The following TNFRSF13C variants were observed in gnomAD, a reference collection of about 807,000 sequenced individuals.
TNFRSF13C encodes tumor necrosis factor receptor superfamily member 13C.
A neutral mutation model predicts 12.1 loss-of-function variants in TNFRSF13C; 7 were observed. The ratio of observed to expected loss-of-function variants is 0.58; its 90% confidence interval spans 0.33 to 1.08. TNFRSF13C has a LOEUF of 1.08. Among genes scored for constraint, TNFRSF13C ranks in the 50% least tolerant of loss-of-function variants. The probability of loss-of-function intolerance (pLI) is 0.04; values close to 1 mark genes in which losing one functional copy is unlikely to be tolerated. For synonymous variants in TNFRSF13C, 157 were observed against 130.8 expected (o/e 1.20, Z -1.37); for missense variants, 260 against 265.9 (o/e 0.98, Z 0.15).
At position 41,926,153 on chromosome 22, in the gene TNFRSF13C, C is replaced by T. The variant is rs773182312; in HGVS notation, c.315G>A (p.Gln105=). 1 of 1,611,890 alleles carries T rather than the reference C, an allele frequency of 6.2e-7. No individual in the cohort carries two copies. The highest frequency in any genetic ancestry group is 1.1e-5 in the South Asian group (1 of 91,054). Residue 105 remains glutamine (Q), a synonymous_variant, in exon 2 of 3, where the codon CAG becomes CAA. Coordinates refer to ENST00000291232, the MANE Select transcript of TNFRSF13C (RefSeq NM_052945.4). This position sits in a 1 kb window ranked among gnomAD's most constrained non-coding sequence, Gnocchi z 4.9. ...CGGAGGACGCGCCGCGAAGCCGCCG[C>T]TGTCGCCGCCTCCAGCTCACCAGAC... ...LVGLVSWRRR[Q]RRLRGASSAE...
chr22:41,925,530 A>C lies in TNFRSF13C; in HGVS notation c.392T>G (p.Ile131Ser), dbSNP rs1013387691. The part of the protein sequence containing the change: ...KDAPEPLDKV[I>S]ILSPGISDAT... ...ATCAGAGATTCCCGGAGACAGAATG[A>C]TGACCTTGTCCAGGGGCTCTGGGGC... The change falls in exon 3 of 3, where the codon ATC (isoleucine) becomes AGC (serine). Residue 131 changes from isoleucine to serine, a missense_variant. Transcript: ENST00000291232. The C allele has an allele frequency of 6.2e-7, 1 of 1,613,292 alleles. No homozygotes were observed. Among genetic ancestry groups the C allele is most frequent in the South Asian group, 1.1e-5 (1 of 91,078 alleles).
Position 41,926,744 on chromosome 22 carries a change from GC to G in TNFRSF13C, c.29del (p.Gly10AlafsTer90). 7.2e-7 allele frequency: 1 copy of G among 1,385,754 alleles called. No individual in the cohort carries two copies. The highest frequency in any genetic ancestry group is 9.3e-7 in the Non-Finnish European group (1 of 1,073,042). The allele number at this position is 1,385,754 out of a possible 1,614,324, so 85.8% of individuals were successfully genotyped here. ...AGGGCGTGGGGGCTGGCGCGTCCCT[GC>G]CCCGCAGGCTCCGGGGCCCTCGCCT... MRRGPRSLR[G>X]RDAPAPTPCV... On this transcript the variant is annotated frameshift_variant, in exon 1 of 3. Coordinates refer to ENST00000291232, the MANE Select transcript of TNFRSF13C (RefSeq NM_052945.4). LOFTEE classifies it high-confidence loss of function. The surrounding 1 kb of genome is among the most constrained non-coding windows in gnomAD (Gnocchi z 4.9).
Position 41,926,415 on chromosome 22 carries a change from G to C in TNFRSF13C, c.137-84C>G. ...ACGGGGAGGGGCGGAGGGGGGCGAG[G>C]CTGGCCGGGGAGGGGAGGGACAGCC... On this transcript the variant is annotated intron_variant, in intron 1 of 2. Transcript: ENST00000291232. This position sits in a 1 kb window ranked among gnomAD's most constrained non-coding sequence, Gnocchi z 4.9. 8.4e-7 allele frequency: 1 copy of C among 1,189,944 alleles called. No individual in the cohort carries two copies. Among genetic ancestry groups the C allele is most frequent in the Non-Finnish European group, 1.1e-6 (1 of 919,970 alleles). The allele number at this position is 1,189,944 out of a possible 1,614,324, so 73.7% of individuals were successfully genotyped here. A position where few individuals can be genotyped will look rare whatever the true frequency, so the allele number is the denominator to read the frequency against.
At chr22:41,925,953 C>G (rs1236843951) in intron 2 of TNFRSF13C, 148 bp downstream of exon 2, 1 of 1,163,414 alleles carries the variant, frequency 8.6e-7, no homozygotes, top group Non-Finnish European at 1.2e-6. Context: ...AGCCTGAGCT[C>G]CTCAGCGCAA....
chr22:41,922,141 G>A lies in TNFRSF13C; in HGVS notation c.*3226C>T, dbSNP rs2077609600. On this transcript the variant is annotated 3_prime_UTR_variant, in exon 3 of 3. Coordinates refer to ENST00000291232, the MANE Select transcript of TNFRSF13C (RefSeq NM_052945.4). ...GTATGTATAGAATGATTACAATTAT[G>A]TAGAAAAATACACCACACACTCGAG... 1 of 152,194 alleles carries A rather than the reference G, an allele frequency of 6.6e-6. No individual in the cohort carries two copies. Among genetic ancestry groups the A allele is most frequent in the Admixed American group, 6.5e-5 (1 of 15,278 alleles). 9.4% of individuals were successfully genotyped at this position (152,194 alleles called of 1,614,324 possible).
At position 41,926,766 on chromosome 22, in the gene TNFRSF13C, C is replaced by G; in HGVS notation, c.8G>C (p.Arg3Pro). 7.4e-7 allele frequency: 1 copy of G among 1,350,356 alleles called. No homozygotes were observed. The highest frequency in any genetic ancestry group is 9.5e-7 in the Non-Finnish European group (1 of 1,054,350). 83.6% of individuals were successfully genotyped at this position (1,350,356 alleles called of 1,614,324 possible). Residue 3 changes from arginine (R) to proline (P), a missense_variant, in exon 1 of 3, where the codon CGA becomes CCA. Coordinates refer to ENST00000291232, the MANE Select transcript of TNFRSF13C (RefSeq NM_052945.4). The surrounding 1 kb of genome is among the most constrained non-coding windows in gnomAD (Gnocchi z 4.9). MR[R>P]GPRSLRGRDA... ...CCTGCCCCGCAGGCTCCGGGGCCCT[C>G]GCCTCATGGTGCCGACGCCGCCGCA...
chr22:41,926,618 G>T lies in TNFRSF13C; in HGVS notation c.136+20C>A. ...CTCCCCGCAGCTGCCGGCGCCGCGC[G>T]CCCCGTGGGTCCCCCTTACCCGGTT... is the stretch of plus-strand genomic sequence containing the variant. On this transcript the variant is annotated intron_variant, in intron 1 of 2. Coordinates refer to ENST00000291232, the MANE Select transcript of TNFRSF13C (RefSeq NM_052945.4). This position sits in a 1 kb window ranked among gnomAD's most constrained non-coding sequence, Gnocchi z 4.9. 7.0e-7 allele frequency: 1 copy of T among 1,422,970 alleles called. No homozygotes were observed. The highest frequency in any genetic ancestry group is 2.9e-5 in the Admixed American group (1 of 34,470). 88.1% of individuals were successfully genotyped at this position (1,422,970 alleles called of 1,614,324 possible).
At position 41,926,026 on chromosome 22, in the gene TNFRSF13C, A is replaced by G. The variant is rs1178833791; in HGVS notation, c.367+75T>C. On this transcript the variant is annotated intron_variant, in intron 2 of 2. Transcript: ENST00000291232. The surrounding 1 kb of genome is among the most constrained non-coding windows in gnomAD (Gnocchi z 4.9). ...CTTCTCTCCCCCTCAGGGGCCATGCATCTCCCCCTAGACCGTCCCGACACC... is the reference window on the plus strand; with the variant it reads ...CTTCTCTCCCCCTCAGGGGCCATGCGTCTCCCCCTAGACCGTCCCGACACC... 2.5e-6 allele frequency: 4 copies of G among 1,575,468 alleles called. No individual in the cohort carries two copies. The highest frequency in any genetic ancestry group is 3.5e-6 in the Non-Finnish European group (4 of 1,152,004).
Position 41,925,246 on chromosome 22 carries a change from G to T in TNFRSF13C, c.*121C>A. 1 of 1,102,552 alleles carries T rather than the reference G, an allele frequency of 9.1e-7. No homozygotes were observed. Among genetic ancestry groups the T allele is most frequent in the Non-Finnish European group, 1.3e-6 (1 of 786,524 alleles). 68.3% of individuals were successfully genotyped at this position (1,102,552 alleles called of 1,614,324 possible). A position where few individuals can be genotyped will look rare whatever the true frequency, so the allele number is the denominator to read the frequency against. On this transcript the variant is annotated 3_prime_UTR_variant, in exon 3 of 3. Transcript: ENST00000291232. ...GGTCTGTAGTGTCTGTGCTTCTGCA[G>T]AGTTAGCCTGGTCCCAGAAAGAGGG...
Position 41,926,131 on chromosome 22 carries a change from A to G in TNFRSF13C, c.337T>C (p.Ser113Pro), listed in dbSNP as rs1214005985. 1 of 1,612,080 alleles carries G rather than the reference A, an allele frequency of 6.2e-7. No homozygotes were observed. Among genetic ancestry groups the G allele is most frequent in the Admixed American group, 1.7e-5 (1 of 60,008 alleles). Reference sequence around the variant, plus strand: ...TTGTCTCCGTCGGGGGCCTCTGCGGAGGACGCGCCGCGAAGCCGCCGCTGT... The same window carrying G: ...TTGTCTCCGTCGGGGGCCTCTGCGGGGGACGCGCCGCGAAGCCGCCGCTGT... The part of the protein sequence containing the change: ...RRQRRLRGAS[S>P]AEAPDGDKDA... Residue 113 changes from serine (S) to proline (P), a missense_variant, in exon 2 of 3, where the codon TCC (serine) becomes CCC (proline). Physicochemically the swap from Ser to Pro is moderately conservative, Grantham distance 74. Coordinates refer to ENST00000291232, the MANE Select transcript of TNFRSF13C (RefSeq NM_052945.4). The surrounding 1 kb of genome is among the most constrained non-coding windows in gnomAD (Gnocchi z 4.9).
At chr22:41,925,967 C>G (rs2077627018) in intron 2 of TNFRSF13C, 134 bp downstream of exon 2, 1 of 1,301,420 alleles carries the variant, frequency 7.7e-7, no homozygotes, top group Non-Finnish European at 1.1e-6. Flanking sequence ...AGCGCAAACT[C>G]TTTTCCACTC....
rs1418263611 is a variant in TNFRSF13C, at chr22:41,924,687, CT to C, written c.*679del. 6.6e-6 allele frequency: 1 copy of C among 151,970 alleles called. No individual in the cohort carries two copies. Among genetic ancestry groups the C allele is most frequent in the East Asian group, 1.9e-4 (1 of 5,146 alleles). 9.4% of individuals were successfully genotyped at this position (151,970 alleles called of 1,614,324 possible). On this transcript the variant is annotated 3_prime_UTR_variant, in exon 3 of 3. Coordinates refer to ENST00000291232, the MANE Select transcript of TNFRSF13C (RefSeq NM_052945.4). Reference sequence around the variant, plus strand: ...CACAAAACAAGGCCGGGCATGGTGGCTCATGCCTGTAATCCCAGCACTTTGG... The same window carrying C: ...CACAAAACAAGGCCGGGCATGGTGGCCATGCCTGTAATCCCAGCACTTTGG...
Position 41,925,237 on chromosome 22 carries a change from G to T in TNFRSF13C, c.*130C>A. ...GAATGCTGTGGTCTGTAGTGTCTGT[G>T]CTTCTGCAGAGTTAGCCTGGTCCCA... On this transcript the variant is annotated 3_prime_UTR_variant, in exon 3 of 3. Transcript: ENST00000291232. The T allele has an allele frequency of 2.9e-6, 3 of 1,022,356 alleles. No homozygotes were observed. The highest frequency in any genetic ancestry group is 4.2e-6 in the Non-Finnish European group (3 of 716,726). 63.3% of individuals were successfully genotyped at this position (1,022,356 alleles called of 1,614,324 possible).
rs1355803260 is a variant in TNFRSF13C at position 41,926,633 on chromosome 22, C to T, written c.136+5G>A. 1 of 1,458,468 alleles carries T rather than the reference C, an allele frequency of 6.9e-7. No homozygotes were observed. The highest frequency in any genetic ancestry group is 9.0e-7 in the Non-Finnish European group (1 of 1,110,458). The allele number at this position is 1,458,468 out of a possible 1,614,324, so 90.3% of individuals were successfully genotyped here. On this transcript the variant is annotated splice_donor_5th_base_variant and intron_variant, in intron 1 of 2. Transcript: ENST00000291232. The surrounding 1 kb of genome is among the most constrained non-coding windows in gnomAD (Gnocchi z 4.9). ...GGCGCCGCGCGCCCCGTGGGTCCCC[C>T]TTACCCGGTTTCGGCCGCGGCGTGC... is the stretch of plus-strand genomic sequence containing the variant.
rs747696533 is a variant in TNFRSF13C, at chr22:41,922,861, G to C, written c.*2506C>G. 1 of 152,732 alleles carries C rather than the reference G, an allele frequency of 6.5e-6. No individual in the cohort carries two copies. Among genetic ancestry groups the C allele is most frequent in the Non-Finnish European group, 1.5e-5 (1 of 68,482 alleles). 9.5% of individuals were successfully genotyped at this position (152,732 alleles called of 1,614,324 possible). On this transcript the variant is annotated 3_prime_UTR_variant, in exon 3 of 3. Coordinates refer to ENST00000291232, the MANE Select transcript of TNFRSF13C (RefSeq NM_052945.4). ...AAGATGGGGTGGGGCAGATGGGGTG[G>C]CCAGGAGCAGCTCAGACTCCCCCAA...
Position 41,926,607 on chromosome 22 carries a change from C to A in TNFRSF13C, c.136+31G>T. On this transcript the variant is annotated intron_variant, in intron 1 of 2. Coordinates refer to ENST00000291232, the MANE Select transcript of TNFRSF13C (RefSeq NM_052945.4). The surrounding 1 kb of genome is among the most constrained non-coding windows in gnomAD (Gnocchi z 4.9). ...GGGGCCCCGTTCTCCCCGCAGCTGC[C>A]GGCGCCGCGCGCCCCGTGGGTCCCC... 1 of 1,414,544 alleles carries A rather than the reference C, an allele frequency of 7.1e-7. No homozygotes were observed. Among genetic ancestry groups the A allele is most frequent in the Non-Finnish European group, 9.2e-7 (1 of 1,087,666 alleles). The allele number at this position is 1,414,544 out of a possible 1,614,324, so 87.6% of individuals were successfully genotyped here.
rs1160024749 is a variant in TNFRSF13C at position 41,923,553 on chromosome 22, C to A, written c.*1814G>T. 1 of 152,352 alleles carries A rather than the reference C, an allele frequency of 6.6e-6. No homozygotes were observed. The highest frequency in any genetic ancestry group is 2.1e-4 in the South Asian group (1 of 4,842). 9.4% of individuals were successfully genotyped at this position (152,352 alleles called of 1,614,324 possible). A position where few individuals can be genotyped will look rare whatever the true frequency, so the allele number is the denominator to read the frequency against. ...ACAGGATGGCCAAATAAGCCCAGCA[C>A]TGGGGGGCCAGTGCTTCAGGGGAAC... On this transcript the variant is annotated 3_prime_UTR_variant, in exon 3 of 3. Coordinates refer to ENST00000291232, the MANE Select transcript of TNFRSF13C (RefSeq NM_052945.4).
At position 41,924,479 on chromosome 22, in the gene TNFRSF13C, C is replaced by A. The variant is rs113062392; in HGVS notation, c.*888G>T. The A allele has an allele frequency of 5.0e-3, 628 of 125,548 alleles. 10 individuals carry two copies. In the South Asian group the frequency reaches 0.054, roughly 11 times the overall value. 7.8% of individuals were successfully genotyped at this position (125,548 alleles called of 1,614,324 possible). On this transcript the variant is annotated 3_prime_UTR_variant, in exon 3 of 3. Transcript: ENST00000291232. ...CTCCAGCCTAGGCGACAGAGCGAGA[C>A]TCTGTCTCAAAAAAAAAAAAAAAAA... is the stretch of plus-strand genomic sequence containing the variant.
At position 41,923,766 on chromosome 22, in the gene TNFRSF13C, T is replaced by C. The variant is rs2077616096; in HGVS notation, c.*1601A>G. The C allele has an allele frequency of 6.6e-6, 1 of 152,212 alleles. No homozygotes were observed. Among genetic ancestry groups the C allele is most frequent in the Non-Finnish European group, 1.5e-5 (1 of 68,030 alleles). The allele number at this position is 152,212 out of a possible 1,614,324, so 9.4% of individuals were successfully genotyped here. ...CCTGAGAGAGCTACCTGCCAGCATG[T>C]TCCTTCAGCTCGAGTTTGGAGTCCA... On this transcript the variant is annotated 3_prime_UTR_variant, in exon 3 of 3. Transcript: ENST00000291232.
Sources: gnomAD v4.1 joint callset for allele counts on GRCh38, gnomAD v4.1.1 for gene constraint, Gnocchi (gnomAD v3.1) non-coding constraint, MANE v1.5 for transcripts, NCBI Gene and HGNC (gene_info 2026-07-23, HGNC 2026-07-21) for gene names.